Variants in MYOM1 observed in about 807,000 individuals in gnomAD.
MYOM1 encodes the protein myomesin 1.
A neutral mutation model predicts 205.3 loss-of-function variants in MYOM1; 164 were observed. That is an observed-to-expected ratio of 0.80 (90% CI 0.70 to 0.91). The LOEUF is 0.91. MYOM1 is among the 40% of genes least tolerant of loss of function. The pLI is 0.00. For missense variants in MYOM1, 2,011 were observed against 2,127.3 expected (o/e 0.95, Z 1.08); for synonymous variants, 772 against 789.4 (o/e 0.98, Z 0.37).
chr18:3,094,378 TGA>T (rs2079270782), intron 25 of MYOM1, 72 bp from the exon 26 acceptor site: 21 of 1,001,514 alleles, frequency 2.1e-5, no homozygotes, highest in East Asian at 9.8e-5. Flanking sequence ...TTCCATCAAG[TGA>T]AAAAAAAAAA....
intron 22 of MYOM1, among the ~76,000 whole-genome samples, chr18:3,106,667 T>A (rs7232703): frequency 0.22 from 33,182 of 151,898 alleles, 3,833 homozygotes; most frequent in African/African-American, 0.28. Context: ...ACAAAAAAAA[T>A]TTTTAATTAG....
chr18:3,100,889 T>C lies in MYOM1; in HGVS notation c.3576-463A>G, dbSNP rs759757513. Among the ~76,000 whole-genome samples, 27 of 152,218 alleles carry C rather than the reference T, an allele frequency of 1.8e-4. 1 individual carries two copies. Among genetic ancestry groups the C allele is most frequent in the Admixed American group, 1.2e-3 (19 of 15,286 alleles). On this transcript the variant is annotated intron_variant, in intron 23 of 37. Transcript: ENST00000356443. ...TATTCTCCTCACTGTGTAATCCCTG[T>C]GCCTTCAGAGACAGGAACTGCTTTG...
rs73371134 is a variant in MYOM1, at chr18:3,072,178, G to A, written c.4709-289C>T. 0.17 allele frequency among the ~76,000 whole-genome samples: 26,046 copies of A among 150,714 alleles called. 2,477 individuals are homozygous for A. Among genetic ancestry groups the A allele is most frequent in the East Asian group, 0.21 (1,064 of 5,054 alleles). The stretch of plus-strand genomic sequence containing the variant: ...CGGTTCTCCTGCCTCAGCCTCCCGA[G>A]TAGCTGGGATTATAGGCACCTGCCA... On this transcript the variant is annotated intron_variant, in intron 36 of 37. Transcript: ENST00000356443.
intron 29 of MYOM1, among the ~76,000 whole-genome samples, chr18:3,088,963 C>CT (rs2079188479): frequency 6.6e-6 from 1 of 152,140 alleles, no homozygotes; most frequent in African/African-American, 2.4e-5. Flanking sequence ...TGAGTAGTGA[C>CT]TAGGAATGAT....
chr18:3,132,046 TATA>T (rs554685695), intron 16 of MYOM1, among the ~76,000 whole-genome samples: 259 of 147,330 alleles, frequency 1.8e-3, no homozygotes, highest in African/African-American at 5.3e-3. Context: ...TATATGTATA[TATA>T]ATAATAATAT....
chr18:3,234,914 T>C, the MYOM1 span, among the ~76,000 whole-genome samples: 2 of 149,494 alleles, frequency 1.3e-5, no homozygotes, highest in African/African-American at 5.1e-5. Flanking sequence ...TCTGTCATTA[T>C]CTCTTTAAAT....
chr18:3,076,060 A>T (rs1017425690), intron 34 of MYOM1, among the ~76,000 whole-genome samples: 5 of 152,164 alleles, frequency 3.3e-5, no homozygotes, highest in Non-Finnish European at 7.3e-5. Flanking sequence ...AATGGGAATA[A>T]AAGTCTGTTT....
intron 37 of MYOM1, among the ~76,000 whole-genome samples, chr18:3,069,109 C>T (rs553503229): frequency 2.6e-5 from 4 of 152,134 alleles, no homozygotes; most frequent in South Asian, 4.1e-4. Flanking sequence ...AATTGCCAAA[C>T]GGTTTTTCTG....
chr18:3,104,000 C>T (rs2079417470), intron 22 of MYOM1, among the ~76,000 whole-genome samples: 1 of 152,186 alleles, frequency 6.6e-6, no homozygotes, highest in South Asian at 2.1e-4. Context: ...TATTTGGTTA[C>T]ATAAAGTGAA....
intron 12 of MYOM1, among the ~76,000 whole-genome samples, chr18:3,150,232 TG>T (rs1184833074): frequency 6.6e-6 from 1 of 152,118 alleles, no homozygotes; most frequent in Admixed American, 6.6e-5. Flanking sequence ...GCTAATTTTT[TG>T]TAATTTTTAG....
the MYOM1 span, among the ~76,000 whole-genome samples, chr18:3,237,797 G>A: frequency 1.3e-5 from 2 of 152,046 alleles, no homozygotes; most frequent in Admixed American, 6.6e-5. Flanking sequence ...GGGAAGGGAG[G>A]AATGGGGAGT....
intron 30 of MYOM1, among the ~76,000 whole-genome samples, chr18:3,085,546 G>A (rs1299192504): frequency 1.3e-5 from 2 of 152,088 alleles, no homozygotes; most frequent in Admixed American, 6.5e-5. Context: ...TGACCAGCGA[G>A]CTAGCAGTCC....
At chr18:3,120,549 A>G (rs772186019) in intron 19 of MYOM1, among the ~76,000 whole-genome samples, 1 of 152,336 alleles carries the variant, frequency 6.6e-6, no homozygotes, top group East Asian at 1.9e-4. Context: ...AATGTGGCCC[A>G]GCTGATAACC....
intron 29 of MYOM1, 40 bp downstream of exon 29, chr18:3,089,134 T>G (rs751814286): frequency 2.8e-6 from 4 of 1,453,458 alleles, no homozygotes; most frequent in Non-Finnish European, 3.8e-6. Context: ...TCTATTTTAT[T>G]TCCCTTGAAT....
intron 19 of MYOM1, among the ~76,000 whole-genome samples, chr18:3,124,118 C>G (rs547593728): frequency 1.3e-5 from 2 of 150,906 alleles, no homozygotes; most frequent in South Asian, 4.2e-4. Flanking sequence ...ACTACAGGTG[C>G]GAGCCACCAT....
chr18:3,215,803 T>C (rs2081258809), intron 1 of MYOM1, among the ~76,000 whole-genome samples: 1 of 152,104 alleles, frequency 6.6e-6, no homozygotes. Flanking sequence ...ACCCTGGCTA[T>C]TGTGCTCTTT....
At chr18:3,173,347 T>A (rs556863543) in intron 8 of MYOM1, among the ~76,000 whole-genome samples, 1 of 152,198 alleles carries the variant, frequency 6.6e-6, no homozygotes, top group South Asian at 2.1e-4. Flanking sequence ...GGCCCAACCT[T>A]GCCTTCAAGT....
At chr18:3,139,563 C>A (rs780618066) in intron 14 of MYOM1, among the ~76,000 whole-genome samples, 3 of 152,152 alleles carry the variant, frequency 2.0e-5, no homozygotes, top group Non-Finnish European at 2.9e-5. Flanking sequence ...AGACCTTTTC[C>A]CTTTAGAAAG....
rs1027670115 is a variant in MYOM1 at position 3,151,835 on chromosome 18, G to A, written c.1702C>T (p.Arg568Cys). ...QCNDTPVKFA[R>C]FPVTGLIEGR... ...TCGATCAATCCAGTGACAGGAAAAC[G>A]AGCAAACTTCACAGGTGTGTCATTG... The change falls in exon 12 of 38, where the codon CGT becomes TGT. Residue 568 changes from arginine (R) to cysteine (C), a missense_variant. Physicochemically the swap from Arg to Cys is radical, Grantham distance 180. Coordinates refer to ENST00000356443, the MANE Select transcript of MYOM1 (RefSeq NM_003803.4). 25 of 1,613,528 alleles carry A rather than the reference G, an allele frequency of 1.5e-5. No individual in the cohort carries two copies. Among genetic ancestry groups the A allele is most frequent in the Non-Finnish European group, 1.9e-5 (22 of 1,179,700 alleles).
Sources: allele counts gnomAD v4.1 joint callset (sites outside exome capture counted in the v4.1 genomes callset), GRCh38; gene constraint gnomAD v4.1.1; transcripts MANE v1.5; gene names NCBI Gene and HGNC (gene_info 2026-07-23, HGNC 2026-07-21).